Variants in XIAP observed in about 807,000 individuals in gnomAD.
The protein encoded by XIAP is E3 ubiquitin-protein ligase XIAP.
In XIAP, 3 loss-of-function variants were observed where a neutral mutation model predicts 33.1. That is an observed-to-expected ratio of 0.09 (90% CI 0.04 to 0.23). The LOEUF is 0.23. XIAP is among the 10% of genes least tolerant of loss of function. The pLI is 1.00. For synonymous variants in XIAP, 98 were observed against 121.3 expected (o/e 0.81, Z 1.26); for missense variants, 264 against 363.0 (o/e 0.73, Z 2.22).
At chrX:123,884,944 C>CAAAAAAAAAAAAAAAAAAAAAAA (rs5903649) in intron 1 of XIAP, among the ~76,000 whole-genome samples, 27 of 92,098 alleles carry the variant, frequency 2.9e-4, no homozygotes, top group African/African-American at 1.0e-3. Context: ...ATGTCATGGG[C>CAAAAAAAAAAAAAAAAAAAAAAA]AAAAAAAAAA....
chrX:123,913,313 A>G lies in XIAP; in HGVS notation c.*6132A>G, dbSNP rs1308976474. 1 of 328,486 alleles carries G rather than the reference A, an allele frequency of 3.0e-6. No homozygotes were observed. The highest frequency in any genetic ancestry group is 2.6e-5 in the South Asian group (1 of 38,368). The allele number at this position is 328,486 out of a possible 1,213,427, so 27.1% of individuals were successfully genotyped here. On this transcript the variant is annotated 3_prime_UTR_variant, in exon 7 of 7. Transcript: ENST00000371199. ...ATGCTGAAACCCTGTCTGTACAAAAATACAAAAATAGCTGGGCATGGTGGC... is the reference window on the plus strand; with the variant it reads ...ATGCTGAAACCCTGTCTGTACAAAAGTACAAAAATAGCTGGGCATGGTGGC...
rs2053609339 is a variant in XIAP, at chrX:123,912,221, A to C, written c.*5040A>C. 1 of 294,101 alleles carries C rather than the reference A, an allele frequency of 3.4e-6. No individual in the cohort carries two copies. The allele number at this position is 294,101 out of a possible 1,213,427, so 24.2% of individuals were successfully genotyped here. On this transcript the variant is annotated 3_prime_UTR_variant, in exon 7 of 7. Transcript: ENST00000371199. ...GGAGGAATTGAAAACACTGAGAAAAAAAAAAAAGACCACACAATAAAAAAA... is the reference window on the plus strand; with the variant it reads ...GGAGGAATTGAAAACACTGAGAAAACAAAAAAAGACCACACAATAAAAAAA...
chrX:123,890,706 C>T (rs1244212097), intron 3 of XIAP, among the ~76,000 whole-genome samples: 1 of 106,669 alleles, frequency 9.4e-6, no homozygotes, highest in Admixed American at 1.0e-4. Context: ...CTTCGGGAGG[C>T]TGAGGCAGGG....
At chrX:123,892,632 C>A in intron 4 of XIAP, 99 bp from the exon 5 acceptor site, 3 of 734,141 alleles carry the variant, frequency 4.1e-6, no homozygotes, top group Non-Finnish European at 6.3e-6. Flanking sequence ...TGGAATAAAG[C>A]CAATTTATTT....
chrX:123,893,763 C>T (rs1392163248), intron 5 of XIAP, among the ~76,000 whole-genome samples: 3 of 111,645 alleles, frequency 2.7e-5, no homozygotes, highest in African/African-American at 9.7e-5. Flanking sequence ...ATCGCTTGAA[C>T]CTGGGCAGTG....
chrX:123,897,257 T>G (rs6648554), intron 5 of XIAP, among the ~76,000 whole-genome samples: 24,578 of 110,889 alleles, frequency 0.22, 2,225 homozygotes, highest in Non-Finnish European at 0.27. Context: ...GACATCCAAT[T>G]TATCTATTTT....
chrX:123,885,028 T>A (rs1021663012), intron 1 of XIAP, among the ~76,000 whole-genome samples: 1 of 110,337 alleles, frequency 9.1e-6, no homozygotes, highest in African/African-American at 3.3e-5. Flanking sequence ...GTGTTACATA[T>A]ATATCTGTAA....
Position 123,885,952 on chromosome X carries a change from A to T in XIAP, c.290A>T (p.Tyr97Phe). The T allele has an allele frequency of 8.3e-7, 1 of 1,211,864 alleles. No individual in the cohort carries two copies. The highest frequency in any genetic ancestry group is 1.1e-6 in the Non-Finnish European group (1 of 895,589). Residue 97 changes from tyrosine (Y) to phenylalanine (F), a missense_variant, in exon 2 of 7, where the codon TAT (tyrosine) becomes TTT (phenylalanine). Tyr to Phe is a conservative substitution (Grantham distance 22). Transcript: ENST00000371199. Reference sequence around the variant, plus strand: ...AATTGCAGATTTATCAACGGCTTTTATCTTGAAAATAGTGCCACGCAGTCT... The same window carrying T: ...AATTGCAGATTTATCAACGGCTTTTTTCTTGAAAATAGTGCCACGCAGTCT... ...SPNCRFINGF[Y>F]LENSATQSTN...
chrX:123,882,667 T>C (rs2053314004), intron 1 of XIAP, among the ~76,000 whole-genome samples: 1 of 112,959 alleles, frequency 8.9e-6, no homozygotes, highest in African/African-American at 3.2e-5. Flanking sequence ...ACTTGTAATG[T>C]TGGCTTATGA....
At chrX:123,904,139 A>G (rs752676446) in intron 6 of XIAP, among the ~76,000 whole-genome samples, 2 of 109,534 alleles carry the variant, frequency 1.8e-5, no homozygotes, top group Non-Finnish European at 3.8e-5. Context: ...GTCTCACTAT[A>G]TTGCTCAGGC....
intron 1 of XIAP, chrX:123,874,602 A>G (rs1418050947): frequency 9.1e-6 from 1 of 110,043 alleles, no homozygotes; most frequent in African/African-American, 3.3e-5. Flanking sequence ...TTACCATAGT[A>G]TTGTCCTCTT....
intron 6 of XIAP, 57 bp downstream of exon 6, chrX:123,900,750 G>T (rs2148107579): frequency 9.3e-7 from 1 of 1,075,011 alleles, no homozygotes; most frequent in East Asian, 3.0e-5. Context: ...GCTCATACCT[G>T]TAATCCCAGC....
intron 2 of XIAP, 124 bp from the exon 3 acceptor site, chrX:123,888,495 T>C (rs147378584): frequency 9.7e-4 from 575 of 592,390 alleles, no homozygotes; most frequent in Non-Finnish European, 1.6e-3. Flanking sequence ...TGAATTTGAA[T>C]GTCTTGTTTT....
At chrX:123,897,665 C>T (rs1483712119) in intron 5 of XIAP, among the ~76,000 whole-genome samples, 7 of 111,087 alleles carry the variant, frequency 6.3e-5, no homozygotes, top group Non-Finnish European at 1.1e-4. Context: ...CGGGTTCAAG[C>T]GATTCTCCTG....
Position 123,911,470 on chromosome X carries a change from T to A in XIAP, c.*4289T>A. The stretch of plus-strand genomic sequence containing the variant: ...CCAGCCTGGGCAACAAGAGCAAAAC[T>A]CTGTCTCAAAAAAAAAAAAAGATAT... On this transcript the variant is annotated 3_prime_UTR_variant, in exon 7 of 7. Transcript: ENST00000371199. 3.8e-6 allele frequency: 1 copy of A among 263,260 alleles called. No individual in the cohort carries two copies. Among genetic ancestry groups the A allele is most frequent in the Non-Finnish European group, 6.8e-6 (1 of 146,246 alleles). The allele number at this position is 263,260 out of a possible 1,213,427, so 21.7% of individuals were successfully genotyped here. A position where few individuals can be genotyped will look rare whatever the true frequency, so the allele number is the denominator to read the frequency against.
chrX:123,913,709 G>C lies in XIAP; in HGVS notation c.*6528G>C, dbSNP rs1342926380. On this transcript the variant is annotated 3_prime_UTR_variant, in exon 7 of 7. Coordinates refer to ENST00000371199, the MANE Select transcript of XIAP (RefSeq NM_001167.4). ...AAGGGTTTTAATGTAATTTATGTTA[G>C]ATTTTGCATTTTTTTCATTACTGTT... is the stretch of plus-strand genomic sequence containing the variant. 8 of 322,330 alleles carry C rather than the reference G, an allele frequency of 2.5e-5. No individual in the cohort carries two copies. Among genetic ancestry groups the C allele is most frequent in the Non-Finnish European group, 4.8e-5 (8 of 168,121 alleles). 26.6% of individuals were successfully genotyped at this position (322,330 alleles called of 1,213,427 possible). A position where few individuals can be genotyped will look rare whatever the true frequency, so the allele number is the denominator to read the frequency against.
intron 1 of XIAP, among the ~76,000 whole-genome samples, chrX:123,884,567 T>C (rs780704905): frequency 9.0e-6 from 1 of 111,355 alleles, no homozygotes; most frequent in African/African-American, 3.3e-5. Context: ...TTTGACAAGT[T>C]TATATTGAGC....
In XIAP at chrX:123,888,660, C is replaced by G; in HGVS notation, c.919C>G (p.Leu307Val). The G allele has an allele frequency of 8.3e-7, 1 of 1,211,696 alleles. No homozygotes were observed. Among genetic ancestry groups the G allele is most frequent in the Non-Finnish European group, 1.1e-6 (1 of 895,450 alleles). The change falls in exon 3 of 7, where the codon CTA (leucine) becomes GTA (valine). Residue 307 changes from leucine to valine, a missense_variant. By Grantham distance (32) the Leu-to-Val change is conservative (BLOSUM62 1). Coordinates refer to ENST00000371199, the MANE Select transcript of XIAP (RefSeq NM_001167.4). ...KVKCFHCGGG[L>V]TDWKPSEDPW... ...AAAGTGCTTTCACTGTGGAGGAGGG[C>G]TAACTGATTGGAAGCCCAGTGAAGA... is the stretch of plus-strand genomic sequence containing the variant.
chrX:123,907,378 C>A lies in XIAP; in HGVS notation c.*197C>A. ...TTTTCAGGGTATTAGCTGTATTATC[C>A]ATTTTTTTTACTGTTATTTAATTGA... On this transcript the variant is annotated 3_prime_UTR_variant, in exon 7 of 7. Transcript: ENST00000371199. 2.0e-6 allele frequency: 1 copy of A among 494,630 alleles called. No homozygotes were observed. The highest frequency in any genetic ancestry group is 2.7e-5 in the South Asian group (1 of 37,267). The allele number at this position is 494,630 out of a possible 1,213,427, so 40.8% of individuals were successfully genotyped here. A position where few individuals can be genotyped will look rare whatever the true frequency, so the allele number is the denominator to read the frequency against.
Sources: gnomAD v4.1 joint callset for allele counts (sites outside exome capture counted in the v4.1 genomes callset) on GRCh38, gnomAD v4.1.1 for gene constraint, MANE v1.5 for transcripts, NCBI Gene and HGNC (gene_info 2026-07-23, HGNC 2026-07-21) for gene names.